Variants in UNC5D observed in about 807,000 individuals in gnomAD.
UNC5D encodes netrin receptor UNC5D.
In UNC5D, 39 loss-of-function variants were observed where a neutral mutation model predicts 105.4. The observed-to-expected ratio is 0.37, with a 90% confidence interval of 0.29 to 0.48. UNC5D has a LOEUF of 0.48. Ranked by LOEUF, UNC5D falls within the 20% of genes least tolerant of loss-of-function variation. UNC5D has a pLI of 0.98. For missense variants in UNC5D, 991 were observed against 1,202.4 expected (o/e 0.82, Z 2.60); for synonymous variants, 452 against 450.4 (o/e 1.00, Z -0.04).
intron 3 of UNC5D, among the ~76,000 whole-genome samples, chr8:35,588,446 C>T (rs1389017610): frequency 1.3e-5 from 2 of 152,152 alleles, no homozygotes; most frequent in Non-Finnish European, 2.9e-5. Flanking sequence ...AGATTCTCTG[C>T]CTCAGTTTAG....
At chr8:35,533,451 G>A (rs910508192) in intron 1 of UNC5D, among the ~76,000 whole-genome samples, 1 of 152,076 alleles carries the variant, frequency 6.6e-6, no homozygotes, top group Admixed American at 6.6e-5. Flanking sequence ...TCTCTTCAAA[G>A]CTGTCATACA....
chr8:35,703,332 T>C (rs1246695593), intron 7 of UNC5D, among the ~76,000 whole-genome samples: 1 of 152,180 alleles, frequency 6.6e-6, no homozygotes, highest in Non-Finnish European at 1.5e-5. Flanking sequence ...TAATCAACAG[T>C]AGCAACTTTT....
At chr8:35,656,248 C>A (rs1563636736) in intron 4 of UNC5D, among the ~76,000 whole-genome samples, 1 of 152,202 alleles carries the variant, frequency 6.6e-6, no homozygotes, top group East Asian at 1.9e-4. Context: ...GTGTGTTCAA[C>A]AAAACACACT....
intron 16 of UNC5D, among the ~76,000 whole-genome samples, chr8:35,789,370 G>A (rs1270462160): frequency 6.6e-6 from 1 of 151,066 alleles, no homozygotes; most frequent in Admixed American, 6.6e-5. Flanking sequence ...AGACCATAAA[G>A]TGACAGAGTA....
At chr8:35,354,370 T>C (rs1264914786) in intron 1 of UNC5D, among the ~76,000 whole-genome samples, 1 of 152,174 alleles carries the variant, frequency 6.6e-6, no homozygotes, top group Non-Finnish European at 1.5e-5. Context: ...TTTATGAGTT[T>C]ATGACATCTT....
intron 1 of UNC5D, among the ~76,000 whole-genome samples, chr8:35,439,216 C>G (rs972396299): frequency 6.6e-6 from 1 of 151,978 alleles, no homozygotes; most frequent in African/African-American, 2.4e-5. Context: ...TTCTCATCAT[C>G]ATGTCTGTGT....
chr8:35,615,810 G>C lies in UNC5D; in HGVS notation c.570+20153G>C, dbSNP rs138479376. ...TAACATAAAGGCATCTAAAACTATG[G>C]TAGATATCTGGGGAGCATATGTGAC... On this transcript the variant is annotated intron_variant, in intron 4 of 16. Transcript: ENST00000404895. Among the ~76,000 whole-genome samples the C allele has an allele frequency of 3.1e-3, 475 of 152,196 alleles. 4 individuals carry two copies. Among genetic ancestry groups the C allele is most frequent in the African/African-American group, 0.01 (434 of 41,522 alleles).
intron 16 of UNC5D, among the ~76,000 whole-genome samples, chr8:35,776,370 G>A (rs1802244768): frequency 6.6e-6 from 1 of 152,178 alleles, no homozygotes; most frequent in Admixed American, 6.5e-5. Flanking sequence ...TGCTGAATAA[G>A]CATGTACATG....
chr8:35,423,934 C>CT (rs1806080715), intron 1 of UNC5D, among the ~76,000 whole-genome samples: 1 of 149,916 alleles, frequency 6.7e-6, no homozygotes, highest in South Asian at 2.1e-4. Flanking sequence ...TTCACTGCAA[C>CT]TACAGGCATG....
intron 4 of UNC5D, among the ~76,000 whole-genome samples, chr8:35,655,910 A>G (rs1823700740): frequency 6.6e-6 from 1 of 152,220 alleles, no homozygotes; most frequent in Non-Finnish European, 1.5e-5. Context: ...AGCTGGGCCA[A>G]ATGTTAGTCA....
At position 35,509,389 on chromosome 8, in the gene UNC5D, G is replaced by A. The variant is rs185099201; in HGVS notation, c.104-39903G>A. ...GCCAGGACCAAGAAGCAGCAAGGGA[G>A]GAAAGGGTACAAATTGCTAGAGCCC... On this transcript the variant is annotated intron_variant, in intron 1 of 16. Coordinates refer to ENST00000404895, the MANE Select transcript of UNC5D (RefSeq NM_080872.4). 2.1e-3 allele frequency among the ~76,000 whole-genome samples: 314 copies of A among 149,866 alleles called. 3 individuals are homozygous for A. Among genetic ancestry groups the A allele is most frequent in the African/African-American group, 7.2e-3 (294 of 40,650 alleles).
At chr8:35,716,372 T>G (rs1021556402) in intron 8 of UNC5D, among the ~76,000 whole-genome samples, 1 of 152,230 alleles carries the variant, frequency 6.6e-6, no homozygotes, top group Non-Finnish European at 1.5e-5. Flanking sequence ...ACTGAGTTAC[T>G]GTGGTTCCTG....
chr8:35,599,466 A>G (rs1244592291), intron 4 of UNC5D, among the ~76,000 whole-genome samples: 1 of 152,202 alleles, frequency 6.6e-6, no homozygotes, highest in East Asian at 1.9e-4. Context: ...AAAACATGTT[A>G]TACATGAAAA....
At chr8:35,253,678 A>T (rs1485969034) in intron 1 of UNC5D, among the ~76,000 whole-genome samples, 1 of 151,336 alleles carries the variant, frequency 6.6e-6, no homozygotes, top group Non-Finnish European at 1.5e-5. Context: ...TTTAGTAGAG[A>T]TGGGGTTCCA....
chr8:35,304,357 G>A (rs2950892), intron 1 of UNC5D, among the ~76,000 whole-genome samples: 54,791 of 151,768 alleles, frequency 0.36, 10,889 homozygotes, highest in Middle Eastern at 0.45. Context: ...AAGAAAACCC[G>A]TTTCTTGACT....
intron 16 of UNC5D, among the ~76,000 whole-genome samples, chr8:35,783,073 G>A (rs1045577418): frequency 6.6e-6 from 1 of 151,908 alleles, no homozygotes; most frequent in Admixed American, 6.6e-5. Context: ...AGCCTGAGAG[G>A]TCAAAGCTGC....
At chr8:35,701,049 A>G (rs1442557985) in intron 7 of UNC5D, among the ~76,000 whole-genome samples, 1 of 152,186 alleles carries the variant, frequency 6.6e-6, no homozygotes, top group African/African-American at 2.4e-5. Context: ...ATTTATGACA[A>G]ACAAAATAAT....
At position 35,657,045 on chromosome 8, in the gene UNC5D, A is replaced by AGTGT. The variant is rs3076999; in HGVS notation, c.571-26469_571-26466dup. ...TGCTGCCCAAGCTGGAGTGCAGTGGAGTGTGTGTGTGTGTGTGTGTGTGTG... is the reference window on the plus strand; with the variant it reads ...TGCTGCCCAAGCTGGAGTGCAGTGGAGTGTGTGTGTGTGTGTGTGTGTGTGTGTG... On this transcript the variant is annotated intron_variant, in intron 4 of 16. Coordinates refer to ENST00000404895, the MANE Select transcript of UNC5D (RefSeq NM_080872.4). Among the ~76,000 whole-genome samples, 578 of 70,770 alleles carry AGTGT rather than the reference A, an allele frequency of 8.2e-3. 14 individuals carry two copies. Among genetic ancestry groups the AGTGT allele is most frequent in the East Asian group, 0.018 (29 of 1,596 alleles). 46.4% of individuals were successfully genotyped at this position (70,770 alleles called of 152,430 possible). A position where few individuals can be genotyped will look rare whatever the true frequency, so the allele number is the denominator to read the frequency against.
chr8:35,363,962 C>T (rs1590092), intron 1 of UNC5D, among the ~76,000 whole-genome samples: 73,852 of 151,296 alleles, frequency 0.49, 18,152 homozygotes, highest in East Asian at 0.7. Context: ...GTGGGAGGAT[C>T]GCTTGATGTC....
Sources: gnomAD v4.1 joint callset for allele counts (sites outside exome capture counted in the v4.1 genomes callset) on GRCh38, gnomAD v4.1.1 for gene constraint, MANE v1.5 for transcripts, NCBI Gene and HGNC (gene_info 2026-07-23, HGNC 2026-07-21) for gene names.